Variants in CCDC83 observed in about 807,000 individuals in gnomAD.
CCDC83 encodes coiled-coil domain containing 83, also known as coiled-coil domain-containing protein 83.
CCDC83 carries 54 observed loss-of-function variants against 50.1 expected under a neutral mutation model. The observed-to-expected ratio is 1.08, with a 90% confidence interval of 0.87 to 1.35. The LOEUF is 1.35. Among genes scored for constraint, CCDC83 ranks in the 40% most tolerant of loss-of-function variants. The probability of loss-of-function intolerance (pLI) is 0.00; values close to 1 mark genes in which losing one functional copy is unlikely to be tolerated. For missense variants in CCDC83, 518 were observed against 473.9 expected, an observed-to-expected ratio of 1.09 and a Z score of -0.86; for synonymous variants, 161 against 153.3, an observed-to-expected ratio of 1.05 and a Z score of -0.37.
intron 10 of CCDC83, chr11:85,916,507 TATAACA>T: frequency 2.7e-6 from 1 of 369,108 alleles, no homozygotes; most frequent in Non-Finnish European, 5.0e-6. Flanking sequence ...CCTAGTGGCT[TATAACA>T]ATAACTATTT....
intron 5 of CCDC83, among the ~76,000 whole-genome samples, chr11:85,892,108 C>T (rs1253955175): frequency 2.6e-5 from 4 of 152,204 alleles, no homozygotes; most frequent in Non-Finnish European, 5.9e-5. Context: ...TATAATAAAG[C>T]TCTCAACAGG....
intron 5 of CCDC83, among the ~76,000 whole-genome samples, chr11:85,887,048 G>A (rs771422133): frequency 1.7e-4 from 26 of 152,308 alleles, no homozygotes; most frequent in Middle Eastern, 3.4e-3. Context: ...GGCAAGCTAA[G>A]TCAGCTTAGC....
intron 3 of CCDC83, among the ~76,000 whole-genome samples, chr11:85,875,200 A>G (rs543201396): frequency 5.9e-5 from 9 of 152,364 alleles, no homozygotes; most frequent in African/African-American, 2.2e-4. Context: ...GGTGGGCACA[A>G]TAGTGTAGAA....
intron 5 of CCDC83, among the ~76,000 whole-genome samples, chr11:85,888,788 T>C (rs2093338808): frequency 6.6e-6 from 1 of 152,196 alleles, no homozygotes; most frequent in African/African-American, 2.4e-5. Context: ...TGTTCCAACA[T>C]CATTTATCAT....
chr11:85,910,439 C>G (rs1213959769), intron 7 of CCDC83, among the ~76,000 whole-genome samples: 1 of 152,204 alleles, frequency 6.6e-6, no homozygotes, highest in Non-Finnish European at 1.5e-5. Flanking sequence ...ACCTAGCACT[C>G]AGAGAGAACA....
intron 1 of CCDC83, among the ~76,000 whole-genome samples, chr11:85,859,776 C>T (rs2093164590): frequency 6.6e-6 from 1 of 152,174 alleles, no homozygotes. Context: ...GAATTTATGA[C>T]TAAATTCCCA....
At chr11:85,917,844 G>A (rs1234361127) in intron 10 of CCDC83, 1 of 152,122 alleles carries the variant, frequency 6.6e-6, no homozygotes, top group Non-Finnish European at 1.5e-5. Context: ...ATGATCTCAG[G>A]CTAGTGGACA....
chr11:85,890,688 C>G lies in CCDC83; in HGVS notation c.511+4321C>G, dbSNP rs192412487. Among the ~76,000 whole-genome samples, 268 of 152,252 alleles carry G rather than the reference C, an allele frequency of 1.8e-3. 1 individual carries two copies. Among genetic ancestry groups the G allele is most frequent in the Admixed American group, 1.3e-3 (20 of 15,290 alleles). Reference sequence around the variant, plus strand: ...ATCAGTCAAGTGAGAGCTTTCTTACCGTTTTCCATGTTTCCCTCTTCCCTT... The same window carrying G: ...ATCAGTCAAGTGAGAGCTTTCTTACGGTTTTCCATGTTTCCCTCTTCCCTT... On this transcript the variant is annotated intron_variant, in intron 5 of 10. Transcript: ENST00000342404.
intron 7 of CCDC83, among the ~76,000 whole-genome samples, chr11:85,907,002 G>A (rs1565154340): frequency 2.1e-5 from 3 of 145,810 alleles, no homozygotes; most frequent in Admixed American, 1.4e-4. Context: ...ACATTATTAA[G>A]TTTACTTGCA....
intron 3 of CCDC83, among the ~76,000 whole-genome samples, chr11:85,881,753 A>T (rs542797459): frequency 6.6e-6 from 1 of 152,276 alleles, no homozygotes; most frequent in South Asian, 2.1e-4. Context: ...TATGCCCTGT[A>T]TGCTAATTGT....
Position 85,882,800 on chromosome 11 carries a change from C to G in CCDC83, c.343+125C>G, listed in dbSNP as rs1380707981. 9.6e-6 allele frequency: 8 copies of G among 836,086 alleles called. No homozygotes were observed. In the East Asian group the frequency reaches 1.9e-4, roughly 20 times the overall value. The allele number at this position is 836,086 out of a possible 1,614,324, so 51.8% of individuals were successfully genotyped here. On this transcript the variant is annotated intron_variant, in intron 4 of 10. Coordinates refer to ENST00000342404, the MANE Select transcript of CCDC83 (RefSeq NM_001286159.2). ...TGTATTTTAAACGGCATCATTACCACCGCAGCCACAAACACATGTAGGTAA... is the reference window on the plus strand; with the variant it reads ...TGTATTTTAAACGGCATCATTACCAGCGCAGCCACAAACACATGTAGGTAA...
At chr11:85,885,650 G>T (rs2093323353) in intron 4 of CCDC83, among the ~76,000 whole-genome samples, 1 of 152,120 alleles carries the variant, frequency 6.6e-6, no homozygotes, top group African/African-American at 2.4e-5. Context: ...TTACCAAAGG[G>T]GGGTGGGAAA....
chr11:85,873,640 C>T (rs1048441733), intron 3 of CCDC83, among the ~76,000 whole-genome samples: 13 of 152,058 alleles, frequency 8.5e-5, no homozygotes, highest in Admixed American at 3.3e-4. Context: ...TTTTAAATCT[C>T]TTTGTCTTTT....
intron 6 of CCDC83, among the ~76,000 whole-genome samples, 191 bp downstream of exon 6, chr11:85,895,575 ATACTT>A (rs955372582): frequency 1.3e-5 from 2 of 152,178 alleles, no homozygotes; most frequent in African/African-American, 4.8e-5. Flanking sequence ...TGTCTAAAAA[ATACTT>A]TATTTTATAT....
intron 6 of CCDC83, among the ~76,000 whole-genome samples, 183 bp downstream of exon 6, chr11:85,895,567 T>C (rs899720109): frequency 2.6e-5 from 4 of 152,184 alleles, no homozygotes. Flanking sequence ...ATATAATTTG[T>C]CTAAAAAATA....
chr11:85,879,843 T>C (rs1042350173), intron 3 of CCDC83, among the ~76,000 whole-genome samples: 2 of 152,146 alleles, frequency 1.3e-5, no homozygotes, highest in Non-Finnish European at 2.9e-5. Context: ...GGTCTTGAAC[T>C]GACCTCAGGT....
Position 85,911,294 on chromosome 11 carries a change from G to A in CCDC83, c.686G>A (p.Arg229Lys). 1 of 1,608,796 alleles carries A rather than the reference G, an allele frequency of 6.2e-7. No individual in the cohort carries two copies. The change falls in exon 8 of 11, where the codon AGG (arginine) becomes AAG (lysine). Residue 229 changes from arginine to lysine, a missense_variant. Physicochemically the swap from Arg to Lys is conservative, Grantham distance 26. Coordinates refer to ENST00000342404, the MANE Select transcript of CCDC83 (RefSeq NM_001286159.2). ...TTCTGAGAACAGGTTGCAATTCACA[G>A]GAAGGAAGTTGAAGAATTAAAAAAT... ...DWLKKEVAIH[R>K]KEVEELKNAI... is the part of the protein sequence containing the mutation.
At chr11:85,873,008 A>G (rs1237403049) in intron 2 of CCDC83, among the ~76,000 whole-genome samples, 4 of 152,112 alleles carry the variant, frequency 2.6e-5, no homozygotes, top group Admixed American at 6.5e-5. Context: ...TTCAAAAAAA[A>G]ACAAACAACT....
rs773816545 is a variant in CCDC83 at position 85,886,342 on chromosome 11, T to G, written c.486T>G (p.Val162=). 12 of 1,597,550 alleles carry G rather than the reference T, an allele frequency of 7.5e-6. No individual in the cohort carries two copies. The South Asian group carries it at 1.4e-4, about 18-fold the overall frequency. The change falls in exon 5 of 11, where the codon GTT becomes GTG. Residue 162 remains valine (V), a synonymous_variant. Coordinates refer to ENST00000342404, the MANE Select transcript of CCDC83 (RefSeq NM_001286159.2). The part of the protein sequence containing the change: ...ITSLQNDINT[V]KENAEKMSEH... ...CCTTACAAAATGACATCAACACAGT[T>G]AAAGAGAATGCAGAGAAAATGTCAG... is the stretch of plus-strand genomic sequence containing the variant.
Sources: allele counts gnomAD v4.1 joint callset (sites outside exome capture counted in the v4.1 genomes callset), GRCh38; gene constraint gnomAD v4.1.1; transcripts MANE v1.5; gene names NCBI Gene and HGNC (gene_info 2026-07-23, HGNC 2026-07-21).